UTRN: variants seen among roughly 807,000 people sequenced by gnomAD.
UTRN encodes the protein dystrophin-related protein 1.
A neutral mutation model predicts 463.9 loss-of-function variants in UTRN; 283 were observed. That is an observed-to-expected ratio of 0.61 (90% CI 0.55 to 0.67). The LOEUF (loss-of-function observed/expected upper bound fraction) is 0.67. Among genes scored for constraint, UTRN ranks in the 30% least tolerant of loss-of-function variants. The pLI is 0.00. For synonymous variants in UTRN, 1,442 were observed against 1,431.5 expected, an observed-to-expected ratio of 1.01 and a Z score of -0.17; for missense variants, 3,922 against 4,084.3, an observed-to-expected ratio of 0.96 and a Z score of 1.08.
At chr6:144,495,750 A>C (rs1271860511) in intron 33 of UTRN, among the ~76,000 whole-genome samples, 1 of 152,262 alleles carries the variant, frequency 6.6e-6, no homozygotes, top group African/African-American at 2.4e-5. Flanking sequence ...AATGTTAATA[A>C]TTCCAAATTT....
intron 2 of UTRN, among the ~76,000 whole-genome samples, chr6:144,377,000 TGA>T (rs1780521086): frequency 2.0e-5 from 3 of 152,168 alleles, no homozygotes; most frequent in African/African-American, 7.2e-5. Context: ...TTCAAATCTG[TGA>T]CTATTATATA....
At chr6:144,488,087 C>T (rs1792656723) in intron 29 of UTRN, among the ~76,000 whole-genome samples, 1 of 152,104 alleles carries the variant, frequency 6.6e-6, no homozygotes. Flanking sequence ...CATACATATT[C>T]GTATCACAAA....
At chr6:144,553,638 C>T (rs906867935) in intron 48 of UTRN, among the ~76,000 whole-genome samples, 8 of 152,096 alleles carry the variant, frequency 5.3e-5, no homozygotes, top group Middle Eastern at 3.4e-3. Flanking sequence ...AGTTTCCAGC[C>T]GGGTGCGTTG....
At chr6:144,551,161 A>ACG (rs1798877461) in intron 48 of UTRN, 79 bp downstream of exon 48, 1 of 816,550 alleles carries the variant, frequency 1.2e-6, no homozygotes, top group Non-Finnish European at 1.9e-6. Flanking sequence ...ACACACACAC[A>ACG]CACACACAAA....
At chr6:144,620,030 G>A (rs1374288546) in intron 51 of UTRN, among the ~76,000 whole-genome samples, 3 of 152,134 alleles carry the variant, frequency 2.0e-5, no homozygotes, top group Non-Finnish European at 4.4e-5. Flanking sequence ...GCATGAATGT[G>A]TCTCTCTTTA....
At chr6:144,779,312 A>G (rs1775611144) in intron 60 of UTRN, among the ~76,000 whole-genome samples, 1 of 152,160 alleles carries the variant, frequency 6.6e-6, no homozygotes, top group Non-Finnish European at 1.5e-5. Context: ...TTCCTTTGTC[A>G]GGCACTTTGC....
At chr6:144,611,991 A>T (rs998652182) in intron 51 of UTRN, among the ~76,000 whole-genome samples, 7 of 152,320 alleles carry the variant, frequency 4.6e-5, no homozygotes, top group Non-Finnish European at 1.0e-4. Context: ...TAATCAGAAC[A>T]GCATAGTACT....
At chr6:144,766,117 A>ACACACC (rs1392058021) in intron 58 of UTRN, among the ~76,000 whole-genome samples, 10 of 151,942 alleles carry the variant, frequency 6.6e-5, no homozygotes, top group Non-Finnish European at 1.3e-4. Flanking sequence ...ACAGACACAC[A>ACACACC]CACACCCACA....
chr6:144,395,725 C>T (rs944840846), intron 2 of UTRN, among the ~76,000 whole-genome samples: 1 of 152,116 alleles, frequency 6.6e-6, no homozygotes, highest in African/African-American at 2.4e-5. Flanking sequence ...ATTTCTGAAT[C>T]CCAGCTACTT....
Position 144,548,858 on chromosome 6 carries a change from G to A in UTRN, c.6810+4G>A. 2.5e-6 allele frequency: 4 copies of A among 1,613,406 alleles called. No homozygotes were observed. Among genetic ancestry groups the A allele is most frequent in the Non-Finnish European group, 3.4e-6 (4 of 1,179,730 alleles). Reference sequence around the variant, plus strand: ...TAAGACCGTTTCCCGAATGAAAGTAGGTGCATAGTGTAAAAGCTTGTCATG... The same window carrying A: ...TAAGACCGTTTCCCGAATGAAAGTAAGTGCATAGTGTAAAAGCTTGTCATG... On this transcript the variant is annotated splice_donor_region_variant and intron_variant, in intron 47 of 74. Coordinates refer to ENST00000367545, the MANE Select transcript of UTRN (RefSeq NM_007124.3).
intron 51 of UTRN, among the ~76,000 whole-genome samples, chr6:144,605,087 GTTA>G (rs1804696527): frequency 6.6e-6 from 1 of 152,066 alleles, no homozygotes; most frequent in African/African-American, 2.4e-5. Flanking sequence ...CCTTGAAAAA[GTTA>G]TTCTAATTAC....
chr6:144,422,053 A>G lies in UTRN; in HGVS notation c.234+83A>G, dbSNP rs1304334485. ...CCCAGTGTGGGTACCCATTAAAGTG[A>G]AAGTATCCATTTTACTTTACGTTCA... On this transcript the variant is annotated intron_variant, in intron 4 of 74. Coordinates refer to ENST00000367545, the MANE Select transcript of UTRN (RefSeq NM_007124.3). The G allele has an allele frequency of 3.6e-6, 4 of 1,115,992 alleles. No homozygotes were observed. In the East Asian group the frequency reaches 1.1e-4, roughly 31 times the overall value. 69.1% of individuals were successfully genotyped at this position (1,115,992 alleles called of 1,614,324 possible).
At chr6:144,559,092 C>G (rs936026342) in intron 50 of UTRN, among the ~76,000 whole-genome samples, 15 of 150,468 alleles carry the variant, frequency 1.0e-4, no homozygotes, top group Admixed American at 7.4e-4. Flanking sequence ...TATTTAGCAC[C>G]TCCAATTCTT....
At chr6:144,405,080 AG>A (rs200042670) in intron 3 of UTRN, among the ~76,000 whole-genome samples, 2,277 of 152,310 alleles carry the variant, frequency 0.015, 50 homozygotes, top group South Asian at 0.1. Context: ...TTTAGCTAAA[AG>A]CTTCTCTATT....
At chr6:144,510,888 T>G in intron 34 of UTRN, 56 bp from the exon 35 acceptor site, 1 of 1,388,146 alleles carries the variant, frequency 7.2e-7, no homozygotes, top group Non-Finnish European at 9.5e-7. Flanking sequence ...TAAGGTTGTA[T>G]ATACTTTTAT....
chr6:144,536,283 C>T (rs1426215275), intron 43 of UTRN, among the ~76,000 whole-genome samples: 2 of 152,128 alleles, frequency 1.3e-5, no homozygotes, highest in Admixed American at 6.5e-5. Flanking sequence ...CTAAATTAGT[C>T]ATGATCTTGA....
At chr6:144,808,110 G>C (rs940186074) in intron 65 of UTRN, among the ~76,000 whole-genome samples, 5 of 151,972 alleles carry the variant, frequency 3.3e-5, no homozygotes, top group Non-Finnish European at 5.9e-5. Flanking sequence ...GTATATCCTT[G>C]CTGGAATATT....
At chr6:144,826,784 G>A (rs1051248294) in intron 66 of UTRN, among the ~76,000 whole-genome samples, 1 of 152,112 alleles carries the variant, frequency 6.6e-6, no homozygotes, top group African/African-American at 2.4e-5. Flanking sequence ...TCTAGGGGTG[G>A]TATCTAGGTT....
intron 51 of UTRN, among the ~76,000 whole-genome samples, chr6:144,611,675 C>G (rs1434118534): frequency 6.6e-6 from 1 of 152,168 alleles, no homozygotes; most frequent in Middle Eastern, 3.4e-3. Flanking sequence ...GTACTGACAA[C>G]TATAAAACGC....
Sources: gnomAD v4.1 joint callset for allele counts (sites outside exome capture counted in the v4.1 genomes callset) on GRCh38, gnomAD v4.1.1 for gene constraint, MANE v1.5 for transcripts, NCBI Gene and HGNC (gene_info 2026-07-23, HGNC 2026-07-21) for gene names.